Variants in PDHX observed in about 807,000 individuals in gnomAD.
PDHX encodes the protein pyruvate dehydrogenase complex component X, also known as pyruvate dehydrogenase protein X component, mitochondrial.
A neutral mutation model predicts 55.3 loss-of-function variants in PDHX; 33 were observed. The ratio of observed to expected loss-of-function variants is 0.60; its 90% confidence interval spans 0.45 to 0.80. The LOEUF (loss-of-function observed/expected upper bound fraction) is 0.80. PDHX is among the 30% of genes least tolerant of loss of function. The probability of loss-of-function intolerance (pLI) is 0.00; values close to 1 mark genes in which losing one functional copy is unlikely to be tolerated. For missense variants in PDHX, 622 were observed against 619.9 expected (o/e 1.00, Z -0.04); for synonymous variants, 226 against 219.4 (o/e 1.03, Z -0.27).
chr11:34,978,735 G>A (rs1312189226), intron 8 of PDHX, among the ~76,000 whole-genome samples: 1 of 152,080 alleles, frequency 6.6e-6, no homozygotes, highest in Non-Finnish European at 1.5e-5. Flanking sequence ...GTGGTGCTGA[G>A]GGTGGAATGT....
At chr11:34,979,913 T>G (rs1253863216) in intron 8 of PDHX, among the ~76,000 whole-genome samples, 1 of 151,836 alleles carries the variant, frequency 6.6e-6, no homozygotes, top group African/African-American at 2.4e-5. Context: ...TGTACACATT[T>G]CAATATTATA....
chr11:34,963,597 C>T (rs928914797), intron 5 of PDHX, among the ~76,000 whole-genome samples: 3 of 152,116 alleles, frequency 2.0e-5, no homozygotes, highest in East Asian at 1.9e-4. Flanking sequence ...GTTCTTGACA[C>T]GGTGAGGACA....
intron 3 of PDHX, 98 bp from the exon 4 acceptor site, chr11:34,957,286 A>C: frequency 1.2e-6 from 1 of 860,242 alleles, no homozygotes; most frequent in Non-Finnish European, 1.9e-6. Context: ...AGCTCAAATT[A>C]AGATATCTTA....
intron 5 of PDHX, 108 bp from the exon 6 acceptor site, chr11:34,966,532 C>T: frequency 9.9e-7 from 1 of 1,010,638 alleles, no homozygotes. Context: ...ATAACCTTGA[C>T]ATCTGTATAT....
chr11:34,968,685 G>A (rs1188207094), intron 6 of PDHX, among the ~76,000 whole-genome samples: 2 of 152,106 alleles, frequency 1.3e-5, no homozygotes, highest in African/African-American at 2.4e-5. Flanking sequence ...TGTATAGAAG[G>A]TCCCTAATCT....
chr11:34,947,206 T>C (rs1256065819), intron 2 of PDHX, among the ~76,000 whole-genome samples: 4 of 152,178 alleles, frequency 2.6e-5, no homozygotes, highest in Non-Finnish European at 4.4e-5. Flanking sequence ...GGATACACAT[T>C]TGTTGCTGAT....
intron 7 of PDHX, among the ~76,000 whole-genome samples, chr11:34,973,035 G>A (rs1814128087): frequency 6.6e-6 from 1 of 152,138 alleles, no homozygotes; most frequent in African/African-American, 2.4e-5. Flanking sequence ...TGAGAGCAGT[G>A]TTGATATTCC....
At chr11:34,985,097 A>G (rs536493149) in intron 9 of PDHX, among the ~76,000 whole-genome samples, 2 of 152,326 alleles carry the variant, frequency 1.3e-5, no homozygotes, top group African/African-American at 4.8e-5. Flanking sequence ...CAATATTAAT[A>G]ACATTTTATT....
chr11:34,991,394 G>T (rs1178299477), intron 9 of PDHX, among the ~76,000 whole-genome samples: 1 of 152,090 alleles, frequency 6.6e-6, no homozygotes, highest in Non-Finnish European at 1.5e-5. Flanking sequence ...TTAGGCAGGT[G>T]CAGTCTTTAG....
At chr11:34,947,481 A>G (rs1854648907) in intron 2 of PDHX, 25 bp from the exon 3 acceptor site, 1 of 1,536,888 alleles carries the variant, frequency 6.5e-7, no homozygotes, top group Non-Finnish European at 9.0e-7. Flanking sequence ...TTAAAAAACA[A>G]AACAAACCCA....
At chr11:34,916,031 C>T (rs1368460177), upstream of PDHX, 4 of 679,094 alleles carry the variant, frequency 5.9e-6, no homozygotes, top group Non-Finnish European at 9.6e-6. Context: ...CCGCCCGAGA[C>T]CACTGATCTC....
At chr11:34,916,883 T>G (rs529988931) in intron 1 of PDHX, 68 bp downstream of exon 1, 3 of 1,414,624 alleles carry the variant, frequency 2.1e-6, no homozygotes, top group Non-Finnish European at 2.9e-6. Flanking sequence ...GGGGCAGTTA[T>G]GATTGAGGGC....
At chr11:34,951,305 C>T (rs1178927267) in intron 3 of PDHX, among the ~76,000 whole-genome samples, 14 of 150,950 alleles carry the variant, frequency 9.3e-5, no homozygotes, top group East Asian at 3.9e-4. Context: ...ATGATCCACC[C>T]GCCTCGGCCT....
intron 1 of PDHX, among the ~76,000 whole-genome samples, chr11:34,930,805 G>A (rs72912917): frequency 0.068 from 10,349 of 152,196 alleles, 472 homozygotes; most frequent in Non-Finnish European, 0.1. Flanking sequence ...CAAAATGTGA[G>A]GTTAATTTAA....
chr11:34,942,821 C>T (rs964517715), intron 2 of PDHX, among the ~76,000 whole-genome samples: 2 of 152,068 alleles, frequency 1.3e-5, no homozygotes, highest in Non-Finnish European at 2.9e-5. Context: ...TTGTCCTCTC[C>T]TTTTTTCCTT....
In PDHX at chr11:34,995,301, A is replaced by C; in HGVS notation, c.*129A>C. ...TGAAATGTTTATTTATTTAAGGTGA[A>C]AGCATTTGACCCAGGGTGTCTTCAT... On this transcript the variant is annotated 3_prime_UTR_variant, in exon 11 of 11. Coordinates refer to ENST00000227868, the MANE Select transcript of PDHX (RefSeq NM_003477.3). The C allele has an allele frequency of 9.4e-7, 1 of 1,064,754 alleles. No individual in the cohort carries two copies. The allele number at this position is 1,064,754 out of a possible 1,614,324, so 66.0% of individuals were successfully genotyped here.
chr11:34,916,336 C>T (rs779100145), upstream of PDHX: 3 of 1,602,022 alleles, frequency 1.9e-6, no homozygotes, highest in Middle Eastern at 1.7e-4. Flanking sequence ...GCTTTGCGCG[C>T]GGCGCTTAGC....
chr11:34,921,960 T>C (rs1853891920), intron 1 of PDHX, among the ~76,000 whole-genome samples: 1 of 152,168 alleles, frequency 6.6e-6, no homozygotes. Context: ...AGAAATAGAC[T>C]CAGAGAGGTT....
chr11:34,933,898 A>G (rs1005572455), intron 2 of PDHX, among the ~76,000 whole-genome samples: 1 of 152,150 alleles, frequency 6.6e-6, no homozygotes, highest in Non-Finnish European at 1.5e-5. Context: ...AATATATTTG[A>G]ATCCTAAGTT....
Sources: allele counts gnomAD v4.1 joint callset (sites outside exome capture counted in the v4.1 genomes callset), GRCh38; gene constraint gnomAD v4.1.1; transcripts MANE v1.5; gene names NCBI Gene and HGNC (gene_info 2026-07-23, HGNC 2026-07-21).